AHDC1: variants seen among roughly 807,000 people sequenced by gnomAD.
AHDC1 encodes the protein AT-hook DNA binding motif containing 1.
In AHDC1, 7 loss-of-function variants were observed where a neutral mutation model predicts 87.9. The ratio of observed to expected loss-of-function variants is 0.08; its 90% confidence interval spans 0.05 to 0.15. AHDC1 has a LOEUF of 0.15. AHDC1 is among the 10% of genes least tolerant of loss of function. The pLI, the probability that AHDC1 is intolerant of heterozygous loss-of-function variation, is 1.00. For synonymous variants in AHDC1, 1,051 were observed against 1,006.8 expected (o/e 1.04, Z -0.83); for missense variants, 1,841 against 2,253.2 (o/e 0.82, Z 3.70).
Position 27,595,450 on chromosome 1 carries a change from CTGTGTGTGTGTGTGTGTGTGAT to C in AHDC1, c.-629+7925_-629+7946del, listed in dbSNP as rs2089343426. ...GGTTGATATGCTGAGGGTGTGATAG[CTGTGTGTGTGTGTGTGTGTGAT>C]TGTGTGTGTGTTGGGGTGTTTAGGG... On this transcript the variant is annotated intron_variant, in intron 3 of 8. Transcript: ENST00000673934. The surrounding 1 kb of genome is among the most constrained non-coding windows in gnomAD (Gnocchi z 4.0). Among the ~76,000 whole-genome samples the C allele has an allele frequency of 6.9e-6, 1 of 144,686 alleles. No homozygotes were observed. The highest frequency in any genetic ancestry group is 2.2e-4 in the South Asian group (1 of 4,568). 94.9% of individuals were successfully genotyped at this position (144,686 alleles called of 152,430 possible). A position where few individuals can be genotyped will look rare whatever the true frequency, so the allele number is the denominator to read the frequency against.
At position 27,590,969 on chromosome 1, in the gene AHDC1, C is replaced by G. The variant is rs1311186050; in HGVS notation, c.-629+12428G>C. Among the ~76,000 whole-genome samples, 1 of 152,124 alleles carries G rather than the reference C, an allele frequency of 6.6e-6. No homozygotes were observed. Among genetic ancestry groups the G allele is most frequent in the Admixed American group, 6.5e-5 (1 of 15,282 alleles). On this transcript the variant is annotated intron_variant, in intron 3 of 8. Transcript: ENST00000673934. This position sits in a 1 kb window ranked among gnomAD's most constrained non-coding sequence, Gnocchi z 5.4. ...GGTTGAGGAGGAGAAACGAGATGCT[C>G]CATGATTTATGAGCCTAATTCTTTT...
intron 3 of AHDC1, among the ~76,000 whole-genome samples, chr1:27,576,205 C>T (rs2088742205): frequency 6.6e-6 from 1 of 152,112 alleles, no homozygotes; most frequent in African/African-American, 2.4e-5. Context: ...ATTTCCTTAC[C>T]TGTAAATTGG....
At chr1:27,536,285 C>T (rs2018635840) in intron 8 of AHDC1, among the ~76,000 whole-genome samples, 2 of 152,242 alleles carry the variant, frequency 1.3e-5, no homozygotes, top group South Asian at 4.1e-4. Flanking sequence ...CCCCAAGGTC[C>T]AGGGGAACCA....
chr1:27,588,163 C>T (rs543222429), intron 3 of AHDC1, among the ~76,000 whole-genome samples: 1 of 152,368 alleles, frequency 6.6e-6, no homozygotes, highest in Middle Eastern at 3.4e-3. Context: ...CTCAGCATAA[C>T]ACACTTGATT....
In AHDC1 at chr1:27,549,657, C is replaced by T. The variant is rs1452010898; in HGVS notation, c.2459G>A (p.Gly820Asp). The T allele has an allele frequency of 2.5e-6, 4 of 1,613,008 alleles. No homozygotes were observed. Among genetic ancestry groups the T allele is most frequent in the Non-Finnish European group, 3.4e-6 (4 of 1,180,018 alleles). ...ASGRGSYYST[G>D]APSGQTELSQ... is the part of the protein sequence containing the mutation. The stretch of plus-strand genomic sequence containing the variant: ...GAGCTCGGTCTGGCCTGAGGGTGCA[C>T]CCGTGCTGTAGTAGCTGCCACGGCC... Residue 820 changes from glycine to aspartate, a missense_variant, in exon 8 of 9, where the codon GGT (glycine) becomes GAT (aspartate). By Grantham distance (94) the Gly-to-Asp change is moderately conservative. Around this residue, in one of 13 missense-constraint regions of AHDC1, gnomAD observed 236 missense variants for 257.9 expected, o/e 0.92. Transcript: ENST00000673934.
rs745330577 is a variant in AHDC1, at chr1:27,547,907, C to A, written c.4209G>T (p.Ser1403=). 6.4e-7 allele frequency: 1 copy of A among 1,565,838 alleles called. No homozygotes were observed. The highest frequency in any genetic ancestry group is 1.2e-5 in the South Asian group (1 of 83,564). ...GLQKAYSPTC[S]PTLGFKEELR... is the part of the protein sequence containing the mutation. ...GCTCTTCCTTGAAGCCCAGTGTAGG[C>A]GAGCAGGTGGGCGAGTATGCCTTCT... Residue 1403 remains serine (S), a synonymous_variant, in exon 8 of 9, where the codon TCG becomes TCT. Transcript: ENST00000673934. This position sits in a 1 kb window ranked among gnomAD's most constrained non-coding sequence, Gnocchi z 4.9.
intron 3 of AHDC1, among the ~76,000 whole-genome samples, chr1:27,602,533 G>T (rs1359434574): frequency 6.6e-6 from 1 of 152,052 alleles, no homozygotes; most frequent in African/African-American, 2.4e-5. Flanking sequence ...TGCCCCTCTG[G>T]CTCTGCCCGG....
chr1:27,575,014 C>G (rs547871450), intron 3 of AHDC1, among the ~76,000 whole-genome samples: 1 of 152,230 alleles, frequency 6.6e-6, no homozygotes, highest in Non-Finnish European at 1.5e-5. Flanking sequence ...GCCCCCACAT[C>G]GGCTCCGCAG....
chr1:27,536,813 G>A (rs2018657764), intron 8 of AHDC1, among the ~76,000 whole-genome samples: 1 of 152,050 alleles, frequency 6.6e-6, no homozygotes. Flanking sequence ...CTCCCTCCAA[G>A]GGCCCCGGGG....
In AHDC1 at chr1:27,547,239, G is replaced by C; in HGVS notation, c.*43+22C>G. 6.8e-7 allele frequency: 1 copy of C among 1,465,410 alleles called. No homozygotes were observed. The highest frequency in any genetic ancestry group is 9.1e-7 in the Non-Finnish European group (1 of 1,095,170). The allele number at this position is 1,465,410 out of a possible 1,614,324, so 90.8% of individuals were successfully genotyped here. A position where few individuals can be genotyped will look rare whatever the true frequency, so the allele number is the denominator to read the frequency against. ...TCCCACCCCCAGGCCTCTGCCCACT[G>C]CGCCCACATCCCCAGACTCACCCAG... On this transcript the variant is annotated intron_variant, in intron 8 of 8. Coordinates refer to ENST00000673934, the MANE Select transcript of AHDC1 (RefSeq NM_001371928.1). The surrounding 1 kb of genome is among the most constrained non-coding windows in gnomAD (Gnocchi z 4.9).
rs2020289935 is a variant in AHDC1, at chr1:27,565,714, T to C, written c.-628-6831A>G. Among the ~76,000 whole-genome samples the C allele has an allele frequency of 6.6e-6, 1 of 152,204 alleles. No individual in the cohort carries two copies. Among genetic ancestry groups the C allele is most frequent in the Admixed American group, 6.5e-5 (1 of 15,292 alleles). On this transcript the variant is annotated intron_variant, in intron 3 of 8. Coordinates refer to ENST00000673934, the MANE Select transcript of AHDC1 (RefSeq NM_001371928.1). The surrounding 1 kb of genome is among the most constrained non-coding windows in gnomAD (Gnocchi z 4.6). ...CATCTGGGGAAACTGAGGCACAGTC[T>C]GAACTTGCCATCATTTTAGCAAGGG... is the stretch of plus-strand genomic sequence containing the variant.
At chr1:27,575,838 G>A (rs1254710146) in intron 3 of AHDC1, among the ~76,000 whole-genome samples, 1 of 147,240 alleles carries the variant, frequency 6.8e-6, no homozygotes, top group Non-Finnish European at 1.5e-5. Flanking sequence ...GGTGTTTTCG[G>A]CTTTTTCCTG....
At position 27,595,600 on chromosome 1, in the gene AHDC1, T is replaced by C. The variant is rs2089349377; in HGVS notation, c.-629+7797A>G. On this transcript the variant is annotated intron_variant, in intron 3 of 8. Transcript: ENST00000673934. The surrounding 1 kb of genome is among the most constrained non-coding windows in gnomAD (Gnocchi z 4.0). ...GTTGGTGGAGGATGCACTGTGGTTT[T>C]GGGGAGGAGCTGGGGAGTGTCTCTG... Among the ~76,000 whole-genome samples the C allele has an allele frequency of 6.6e-6, 1 of 151,776 alleles. No individual in the cohort carries two copies. Among genetic ancestry groups the C allele is most frequent in the Admixed American group, 6.6e-5 (1 of 15,258 alleles).
At chr1:27,576,895 G>A (rs1464417469) in intron 3 of AHDC1, among the ~76,000 whole-genome samples, 1 of 152,118 alleles carries the variant, frequency 6.6e-6, no homozygotes, top group Non-Finnish European at 1.5e-5. Flanking sequence ...TGGCCATCCT[G>A]AGTCTAGCAC....
intron 3 of AHDC1, among the ~76,000 whole-genome samples, chr1:27,568,697 C>G (rs1214233940): frequency 6.6e-6 from 1 of 151,852 alleles, no homozygotes; most frequent in African/African-American, 2.4e-5. Context: ...ACCCTTTCCC[C>G]CGGCCGCGGC....
chr1:27,555,612 G>A (rs569614472), intron 5 of AHDC1, among the ~76,000 whole-genome samples: 4 of 152,298 alleles, frequency 2.6e-5, no homozygotes, highest in South Asian at 4.1e-4. Context: ...CCTCACAAAC[G>A]AGAAAAGGGG....
intron 3 of AHDC1, among the ~76,000 whole-genome samples, chr1:27,585,754 C>G (rs1018600152): frequency 1.3e-5 from 2 of 152,146 alleles, no homozygotes; most frequent in Admixed American, 6.5e-5. Flanking sequence ...CCTAATCCCC[C>G]CACCCTAGTC....
chr1:27,582,909 T>C (rs1416819956), intron 3 of AHDC1, among the ~76,000 whole-genome samples: 1 of 152,146 alleles, frequency 6.6e-6, no homozygotes, highest in Non-Finnish European at 1.5e-5. Flanking sequence ...GATGGGGGTT[T>C]ATTTCTATTT....
chr1:27,593,628 C>T lies in AHDC1; in HGVS notation c.-629+9769G>A, dbSNP rs190887425. 8.5e-5 allele frequency among the ~76,000 whole-genome samples: 13 copies of T among 152,340 alleles called. No individual in the cohort carries two copies. Among genetic ancestry groups the T allele is most frequent in the Admixed American group, 7.8e-4 (12 of 15,312 alleles). ...GGATGGGCACATATGTGCAAACACC[C>T]CCGGTGGGTCTTGGCATGCCTGCCC... is the stretch of plus-strand genomic sequence containing the variant. On this transcript the variant is annotated intron_variant, in intron 3 of 8. Coordinates refer to ENST00000673934, the MANE Select transcript of AHDC1 (RefSeq NM_001371928.1). This position sits in a 1 kb window ranked among gnomAD's most constrained non-coding sequence, Gnocchi z 4.9.
Sources: allele counts gnomAD v4.1 joint callset (sites outside exome capture counted in the v4.1 genomes callset), GRCh38; gene constraint gnomAD v4.1.1; regional missense constraint gnomAD v4.1.1; non-coding constraint Gnocchi (gnomAD v3.1); transcripts MANE v1.5; gene names NCBI Gene and HGNC (gene_info 2026-07-23, HGNC 2026-07-21).